Variants in FCRL1 observed in about 807,000 individuals in gnomAD.
FCRL1 encodes the protein Fc receptor like 1, also known as Fc receptor-like protein 1.
A neutral mutation model predicts 49.2 loss-of-function variants in FCRL1; 34 were observed. That is an observed-to-expected ratio of 0.69 (90% confidence interval 0.53 to 0.92). The LOEUF is 0.92. FCRL1 is among the 40% of genes least tolerant of loss of function. The pLI, the probability that FCRL1 is intolerant of heterozygous loss-of-function variation, is 0.00. For synonymous variants in FCRL1, 218 were observed against 201.6 expected (o/e 1.08, Z -0.69); for missense variants, 524 against 524.1 (o/e 1.00, Z 0.00).
chr1:157,802,640 A>G lies in FCRL1; in HGVS notation c.344T>C (p.Leu115Ser). 1 of 1,613,784 alleles carries G rather than the reference A, an allele frequency of 6.2e-7. No homozygotes were observed. Among genetic ancestry groups the G allele is most frequent in the Non-Finnish European group, 8.5e-7 (1 of 1,179,818 alleles). Residue 115 changes from leucine to serine, a missense_variant, in exon 4 of 11, where the codon TTG (leucine) becomes TCG (serine). Transcript: ENST00000368176. The stretch of plus-strand genomic sequence containing the variant: ...CTGTCCTCCTGGGGGCTGAGTCTCC[A>G]AGCTCACATCAGCGACAGGGACCCC... ...VHRVPVADVSLETQPPGGQVM... is the reference protein window; with the variant it reads ...VHRVPVADVSSETQPPGGQVM...
At chr1:157,800,250 T>A (rs1198547033) in intron 6 of FCRL1, among the ~76,000 whole-genome samples, 165 bp from the exon 7 acceptor site, 1 of 152,158 alleles carries the variant, frequency 6.6e-6, no homozygotes, top group Non-Finnish European at 1.5e-5. Flanking sequence ...TACAGAGCCT[T>A]CATTTCACAG....
At chr1:157,798,131 C>T (rs375653938) in intron 8 of FCRL1, 30 bp downstream of exon 8, 50 of 1,595,952 alleles carry the variant, frequency 3.1e-5, no homozygotes, top group Admixed American at 8.4e-5. Context: ...GCTGTACCAT[C>T]GTTGGCCTGG....
rs114883690 is a variant in FCRL1 at position 157,795,193 on chromosome 1, C to T, written c.*906G>A. 0.01 allele frequency: 1,534 copies of T among 152,132 alleles called. 22 individuals carry two copies. Among genetic ancestry groups the T allele is most frequent in the Non-Finnish European group, 0.014 (923 of 67,996 alleles). 9.4% of individuals were successfully genotyped at this position (152,132 alleles called of 1,614,324 possible). On this transcript the variant is annotated 3_prime_UTR_variant, in exon 11 of 11. Transcript: ENST00000368176. ...GCAAAACGGTGAAATCTTGTCTCTACGTAAGACAAAAAATGGCCAAGTTTG... is the reference window on the plus strand; with the variant it reads ...GCAAAACGGTGAAATCTTGTCTCTATGTAAGACAAAAAATGGCCAAGTTTG...
chr1:157,797,732 C>T, intron 9 of FCRL1, 136 bp downstream of exon 9: 1 of 1,565,158 alleles, frequency 6.4e-7, no homozygotes, highest in Non-Finnish European at 8.7e-7. Context: ...CCAAGGACAG[C>T]CATTAAGTAC....
chr1:157,797,322 G>T (rs1651671676), intron 9 of FCRL1, among the ~76,000 whole-genome samples, 190 bp from the exon 10 acceptor site: 1 of 152,206 alleles, frequency 6.6e-6, no homozygotes, highest in Admixed American at 6.5e-5. Flanking sequence ...TTGGTAGCCT[G>T]GGGGTGGGAG....
At chr1:157,796,450 T>C (rs1651499706) in intron 10 of FCRL1, among the ~76,000 whole-genome samples, 1 of 152,214 alleles carries the variant, frequency 6.6e-6, no homozygotes, top group Non-Finnish European at 1.5e-5. Flanking sequence ...TGGGCTGTCA[T>C]TTTTTAAAAG....
At chr1:157,804,243 TCCA>T in intron 2 of FCRL1, 132 bp from the exon 3 acceptor site, 2 of 1,000,222 alleles carry the variant, frequency 2.0e-6, no homozygotes, top group Non-Finnish European at 2.8e-6. Flanking sequence ...CCTACATGTC[TCCA>T]CCCCCCCCCC....
chr1:157,800,742 A>T (rs1652304519), intron 6 of FCRL1, among the ~76,000 whole-genome samples: 1 of 152,170 alleles, frequency 6.6e-6, no homozygotes, highest in Non-Finnish European at 1.5e-5. Flanking sequence ...GGATGTGTGA[A>T]TGTGCGGTTC....
At chr1:157,796,640 G>A (rs1280249212) in intron 10 of FCRL1, among the ~76,000 whole-genome samples, 3 of 152,162 alleles carry the variant, frequency 2.0e-5, no homozygotes, top group African/African-American at 7.2e-5. Flanking sequence ...AAGTATTTTT[G>A]TATCAGTGGT....
chr1:157,811,655 C>T (rs1053362253), intron 1 of FCRL1, among the ~76,000 whole-genome samples: 8 of 152,198 alleles, frequency 5.3e-5, no homozygotes, highest in Non-Finnish European at 8.8e-5. Context: ...TACTACTGCA[C>T]AGCACCATCT....
At chr1:157,815,782 C>T (rs959883390) in intron 1 of FCRL1, among the ~76,000 whole-genome samples, 1 of 151,748 alleles carries the variant, frequency 6.6e-6, no homozygotes. Context: ...ACTGACATCA[C>T]AGATTATAAA....
chr1:157,805,060 G>A (rs1653202637), intron 2 of FCRL1, among the ~76,000 whole-genome samples: 1 of 152,036 alleles, frequency 6.6e-6, no homozygotes, highest in African/African-American at 2.4e-5. Context: ...AAGATTTTAT[G>A]ATGTTGCTCA....
chr1:157,800,056 A>C lies in FCRL1; in HGVS notation c.1031+2T>G. On this transcript the variant is annotated splice_donor_variant, in intron 7 of 10. Coordinates refer to ENST00000368176, the MANE Select transcript of FCRL1 (RefSeq NM_052938.5). LOFTEE classifies it high-confidence loss of function. Reference sequence around the variant, plus strand: ...GACACCTATAGTGAAAACAGGCCTCACCTGAGTGGATCCCTGGCTGAACGT... The same window carrying C: ...GACACCTATAGTGAAAACAGGCCTCCCCTGAGTGGATCCCTGGCTGAACGT... 6.2e-7 allele frequency: 1 copy of C among 1,613,186 alleles called. No individual in the cohort carries two copies. Among genetic ancestry groups the C allele is most frequent in the Non-Finnish European group, 8.5e-7 (1 of 1,179,388 alleles).
rs1557901084 is a variant in FCRL1 at position 157,802,502 on chromosome 1, T to A, written c.482A>T (p.Gln161Leu). Residue 161 changes from glutamine (Q) to leucine (L), a missense_variant, in exon 4 of 11, where the codon CAG becomes CTG. Physicochemically the swap from Gln to Leu is moderately radical, Grantham distance 113. Coordinates refer to ENST00000368176, the MANE Select transcript of FCRL1 (RefSeq NM_052938.5). ...CTCATACTCTGCTGTCAGTGAACGC[T>A]GGGTCTTTGACTGAAGGTTTAAACC... ...AVGLNLQSKT[Q>L]RSLTAEYEIP... 1.9e-6 allele frequency: 3 copies of A among 1,614,220 alleles called. No individual in the cohort carries two copies. The highest frequency in any genetic ancestry group is 1.6e-4 in the Middle Eastern group (1 of 6,062).
At chr1:157,799,591 T>A (rs979193613) in intron 7 of FCRL1, among the ~76,000 whole-genome samples, 1 of 152,036 alleles carries the variant, frequency 6.6e-6, no homozygotes, top group African/African-American at 2.4e-5. Context: ...ATTGATTTTG[T>A]ATCCTGAGAC....
At chr1:157,804,251 C>T (rs1030483340) in intron 2 of FCRL1, 140 bp from the exon 3 acceptor site, 5 of 974,838 alleles carry the variant, frequency 5.1e-6, no homozygotes, top group South Asian at 1.7e-5. Flanking sequence ...TCTCCACCCC[C>T]CCCCCAGTGG....
At position 157,802,653 on chromosome 1, in the gene FCRL1, C is replaced by T. The variant is rs139152924; in HGVS notation, c.331G>A (p.Ala111Thr). The change falls in exon 4 of 11, where the codon GCT (alanine) becomes ACT (threonine). Residue 111 changes from alanine (A) to threonine (T), a missense_variant. By Grantham distance (58) the Ala-to-Thr change is moderately conservative (BLOSUM62 0). Transcript: ENST00000368176. ...SQINVHRVPV[A>T]DVSLETQPPG... ...GGCTGAGTCTCCAAGCTCACATCAGCGACAGGGACCCCTGTGTGGACACAA... is the reference window on the plus strand; with the variant it reads ...GGCTGAGTCTCCAAGCTCACATCAGTGACAGGGACCCCTGTGTGGACACAA... 109 of 1,612,892 alleles carry T rather than the reference C, an allele frequency of 6.8e-5. No individual in the cohort carries two copies. The highest frequency in any genetic ancestry group is 4.3e-4 in the Admixed American group (26 of 59,924).
chr1:157,801,581 G>A lies in FCRL1; in HGVS notation c.887-4C>T. 6.3e-7 allele frequency: 1 copy of A among 1,595,562 alleles called. No homozygotes were observed. Among genetic ancestry groups the A allele is most frequent in the Non-Finnish European group, 8.6e-7 (1 of 1,163,626 alleles). On this transcript the variant is annotated splice_polypyrimidine_tract_variant and splice_region_variant and intron_variant, in intron 5 of 10. Coordinates refer to ENST00000368176, the MANE Select transcript of FCRL1 (RefSeq NM_052938.5). Reference sequence around the variant, plus strand: ...TTGCTTCTGGCCCCAGTAGGCACTAGAGGGAGAGACCTGTGCATGATCTGC... The same window carrying A: ...TTGCTTCTGGCCCCAGTAGGCACTAAAGGGAGAGACCTGTGCATGATCTGC...
chr1:157,813,932 T>G (rs538031004), intron 1 of FCRL1, among the ~76,000 whole-genome samples: 2 of 152,228 alleles, frequency 1.3e-5, no homozygotes, highest in Non-Finnish European at 2.9e-5. Flanking sequence ...TAAGATGATA[T>G]ATTCAAAGTG....
Sources: allele counts gnomAD v4.1 joint callset (sites outside exome capture counted in the v4.1 genomes callset), GRCh38; gene constraint gnomAD v4.1.1; transcripts MANE v1.5; gene names NCBI Gene and HGNC (gene_info 2026-07-23, HGNC 2026-07-21).